Variants in SEMA3E observed in about 807,000 individuals in gnomAD.
SEMA3E encodes the protein semaphorin-3E.
Under a neutral mutation model 93.6 loss-of-function variants are expected in SEMA3E, and 49 were observed. The observed-to-expected ratio is 0.52, with a 90% CI of 0.42 to 0.66. The LOEUF (loss-of-function observed/expected upper bound fraction) is 0.66, where lower values mean the gene tolerates loss of function less well. Ranked by LOEUF, SEMA3E falls within the 30% of genes least tolerant of loss-of-function variation. SEMA3E has a pLI of 0.00. For synonymous variants in SEMA3E, 363 were observed against 330.7 expected (o/e 1.10, Z -1.06); for missense variants, 906 against 964.8 (o/e 0.94, Z 0.81).
At chr7:83,627,273 T>C (rs1793688328) in intron 1 of SEMA3E, among the ~76,000 whole-genome samples, 1 of 152,160 alleles carries the variant, frequency 6.6e-6, no homozygotes, top group Admixed American at 6.5e-5. Flanking sequence ...ATTTTCTGTC[T>C]CATTGATCTG....
chr7:83,545,552 G>GAAAA (rs3068645), intron 1 of SEMA3E, among the ~76,000 whole-genome samples: 2,738 of 86,118 alleles, frequency 0.032, 34 homozygotes, highest in African/African-American at 0.053. Flanking sequence ...GAAGAGAAAT[G>GAAAA]AAAAAAAAAA....
intron 1 of SEMA3E, among the ~76,000 whole-genome samples, chr7:83,628,649 T>C (rs946692286): frequency 9.2e-5 from 14 of 151,930 alleles, no homozygotes; most frequent in African/African-American, 3.4e-4. Context: ...ATTTATGTTC[T>C]TCTCTAAACT....
intron 1 of SEMA3E, among the ~76,000 whole-genome samples, chr7:83,570,093 A>C (rs1225506806): frequency 1.3e-5 from 2 of 152,218 alleles, no homozygotes; most frequent in South Asian, 2.1e-4. Context: ...AAAAACATGG[A>C]AACTTAAAAA....
intron 1 of SEMA3E, among the ~76,000 whole-genome samples, chr7:83,597,046 C>G (rs566082991): frequency 6.6e-6 from 1 of 152,052 alleles, no homozygotes; most frequent in Non-Finnish European, 1.5e-5. Flanking sequence ...CCAACGGAAC[C>G]GGTGACTGCC....
At chr7:83,451,201 CTG>C (rs1320802788) in intron 4 of SEMA3E, among the ~76,000 whole-genome samples, 3 of 152,198 alleles carry the variant, frequency 2.0e-5, no homozygotes, top group Non-Finnish European at 4.4e-5. Flanking sequence ...CCATATGGAA[CTG>C]TGAGTCAATT....
intron 1 of SEMA3E, among the ~76,000 whole-genome samples, chr7:83,581,277 A>C (rs1375477656): frequency 6.6e-6 from 1 of 152,006 alleles, no homozygotes; most frequent in Non-Finnish European, 1.5e-5. Context: ...TAAAAATTAC[A>C]AACCATTTTT....
intron 11 of SEMA3E, among the ~76,000 whole-genome samples, chr7:83,399,059 C>T (rs774251117): frequency 6.6e-6 from 1 of 152,100 alleles, no homozygotes; most frequent in Non-Finnish European, 1.5e-5. Context: ...ATATTACATC[C>T]TGTTTCCTGA....
At chr7:83,639,136 A>AAAAAAAAC (rs1562866057) in intron 1 of SEMA3E, among the ~76,000 whole-genome samples, 1 of 132,066 alleles carries the variant, frequency 7.6e-6, no homozygotes, top group African/African-American at 2.8e-5. Context: ...AAAAAAAAAA[A>AAAAAAAAC]AAAACAGAGA....
intron 4 of SEMA3E, among the ~76,000 whole-genome samples, chr7:83,458,242 G>C (rs989441664): frequency 6.6e-6 from 1 of 151,480 alleles, no homozygotes; most frequent in Non-Finnish European, 1.5e-5. Context: ...AATATCATGT[G>C]TATGAAGTGG....
intron 1 of SEMA3E, among the ~76,000 whole-genome samples, chr7:83,572,028 A>G (rs1299818714): frequency 2.0e-5 from 3 of 152,198 alleles, no homozygotes; most frequent in Non-Finnish European, 2.9e-5. Context: ...GAGGTGAAAG[A>G]TCTTTATTAT....
chr7:83,466,540 C>A lies in SEMA3E; in HGVS notation c.398G>T (p.Cys133Phe). Residue 133 changes from cysteine (C) to phenylalanine (F), a missense_variant, in exon 4 of 17, where the codon TGT becomes TTT. Coordinates refer to ENST00000643230, the MANE Select transcript of SEMA3E (RefSeq NM_012431.3). The stretch of plus-strand genomic sequence containing the variant: ...AACTGGATCAAAAGCTCCAGTACCA[C>A]AGGTCAGAAGGTGTGTCCTGTTATA... Reference protein sequence around the residue: ...HHYNRTHLLTCGTGAFDPVCA... With the variant: ...HHYNRTHLLTFGTGAFDPVCA... 7 of 1,614,016 alleles carry A rather than the reference C, an allele frequency of 4.3e-6. No homozygotes were observed. Among genetic ancestry groups the A allele is most frequent in the Non-Finnish European group, 5.9e-6 (7 of 1,179,980 alleles).
chr7:83,637,110 G>A (rs144276789), intron 1 of SEMA3E, among the ~76,000 whole-genome samples: 122 of 151,968 alleles, frequency 8.0e-4, no homozygotes, highest in African/African-American at 2.9e-3. Flanking sequence ...CAGTTATGGT[G>A]AGTACAGAGA....
At chr7:83,498,145 T>A (rs1790525552) in intron 1 of SEMA3E, among the ~76,000 whole-genome samples, 1 of 152,162 alleles carries the variant, frequency 6.6e-6, no homozygotes, top group South Asian at 2.1e-4. Context: ...CAGTATATAA[T>A]ACATATAAAA....
intron 1 of SEMA3E, among the ~76,000 whole-genome samples, chr7:83,592,449 A>T (rs1792774582): frequency 8.8e-6 from 1 of 113,454 alleles, no homozygotes; most frequent in Non-Finnish European, 1.8e-5. Flanking sequence ...AAAATAACAG[A>T]TCTAAGTTTA....
intron 1 of SEMA3E, among the ~76,000 whole-genome samples, chr7:83,604,189 A>G (rs1172615716): frequency 6.6e-6 from 1 of 151,802 alleles, no homozygotes; most frequent in Non-Finnish European, 1.5e-5. Flanking sequence ...GGACAGAGAA[A>G]TTTTACTCTC....
intron 1 of SEMA3E, among the ~76,000 whole-genome samples, chr7:83,592,405 G>C (rs1161023239): frequency 1.3e-5 from 2 of 152,010 alleles, no homozygotes; most frequent in Non-Finnish European, 1.5e-5. Context: ...AGTCTATTCT[G>C]TGTTTTAGTA....
chr7:83,431,331 A>G (rs1225467260), intron 4 of SEMA3E, among the ~76,000 whole-genome samples: 1 of 151,830 alleles, frequency 6.6e-6, no homozygotes, highest in Non-Finnish European at 1.5e-5. Context: ...ATTTCTTGGA[A>G]AGTTAAATTT....
intron 1 of SEMA3E, among the ~76,000 whole-genome samples, chr7:83,511,716 C>A (rs764045978): frequency 1.3e-5 from 2 of 151,950 alleles, no homozygotes; most frequent in Non-Finnish European, 2.9e-5. Context: ...GAAACTCTGT[C>A]TCTACTAAAA....
intron 1 of SEMA3E, among the ~76,000 whole-genome samples, chr7:83,569,584 A>T (rs928396010): frequency 6.6e-6 from 1 of 152,234 alleles, no homozygotes; most frequent in African/African-American, 2.4e-5. Context: ...AAGAGTCATT[A>T]TTCTTATAAC....
Sources: allele counts gnomAD v4.1 joint callset (sites outside exome capture counted in the v4.1 genomes callset), GRCh38; gene constraint gnomAD v4.1.1; transcripts MANE v1.5; gene names NCBI Gene and HGNC (gene_info 2026-07-23, HGNC 2026-07-21).